The following BAIAP2 variants were observed in gnomAD, a reference collection of about 807,000 sequenced individuals.
BAIAP2 encodes BAR/IMD domain containing adaptor protein 2.
A neutral mutation model predicts 63.0 loss-of-function variants in BAIAP2; 18 were observed. The observed-to-expected ratio is 0.29, with a 90% CI of 0.20 to 0.42. BAIAP2 has a LOEUF of 0.42. Ranked by LOEUF, BAIAP2 falls within the 10% of genes least tolerant of loss-of-function variation. The pLI is 1.00. For synonymous variants in BAIAP2, 386 were observed against 307.6 expected, an observed-to-expected ratio of 1.25 and a Z score of -2.67; for missense variants, 610 against 734.3, an observed-to-expected ratio of 0.83 and a Z score of 1.96.
At chr17:81,106,178 C>T in intron 11 of BAIAP2, 32 bp downstream of exon 11, 3 of 1,555,378 alleles carry the variant, frequency 1.9e-6, no homozygotes, top group Non-Finnish European at 2.6e-6. Context: ...AGTGTAAGAT[C>T]CCCAGCTCGG....
At chr17:81,070,144 A>C (rs972982921) in intron 3 of BAIAP2, among the ~76,000 whole-genome samples, 1 of 152,130 alleles carries the variant, frequency 6.6e-6, no homozygotes, top group Non-Finnish European at 1.5e-5. Flanking sequence ...CTTTTTGTAG[A>C]GACAAGAGCT....
At chr17:81,037,324 C>T (rs896982987) in intron 1 of BAIAP2, among the ~76,000 whole-genome samples, 1 of 152,212 alleles carries the variant, frequency 6.6e-6, no homozygotes, top group Non-Finnish European at 1.5e-5. Context: ...AAGGCTTTGC[C>T]CTGGTGACAG....
At chr17:81,110,004 T>C (rs890562124) in intron 13 of BAIAP2, 11 of 985,354 alleles carry the variant, frequency 1.1e-5, no homozygotes, top group Non-Finnish European at 1.3e-5. Flanking sequence ...CGTCTTTTTG[T>C]GTGTCTTGGT....
At chr17:81,062,391 C>T (rs1425370486) in intron 3 of BAIAP2, among the ~76,000 whole-genome samples, 3 of 151,112 alleles carry the variant, frequency 2.0e-5, no homozygotes, top group Admixed American at 6.6e-5. Flanking sequence ...TTTATTATGA[C>T]GCCTTTGCTT....
chr17:81,074,357 CAT>C (rs1284368932), intron 3 of BAIAP2, among the ~76,000 whole-genome samples: 1 of 150,098 alleles, frequency 6.7e-6, no homozygotes, highest in Non-Finnish European at 1.5e-5. Flanking sequence ...TGCACTGGTA[CAT>C]GTGTCACTGT....
At chr17:81,048,593 G>A (rs989330070) in intron 1 of BAIAP2, among the ~76,000 whole-genome samples, 1 of 151,920 alleles carries the variant, frequency 6.6e-6, no homozygotes, top group African/African-American at 2.4e-5. Context: ...ATGGCCATCA[G>A]TCTCCAGGCT....
At chr17:81,051,520 C>T (rs1442291111) in intron 1 of BAIAP2, among the ~76,000 whole-genome samples, 1 of 152,162 alleles carries the variant, frequency 6.6e-6, no homozygotes, top group East Asian at 1.9e-4. Context: ...CTGCCTCAGG[C>T]TCCCAAGTAG....
At chr17:81,105,777 C>T (rs1438390170) in intron 10 of BAIAP2, 1 of 335,440 alleles carries the variant, frequency 3.0e-6, no homozygotes, top group Non-Finnish European at 5.6e-6. Context: ...CTTAGCGTGA[C>T]ACTGGGGCTG....
intron 3 of BAIAP2, among the ~76,000 whole-genome samples, chr17:81,077,743 C>T (rs929691090): frequency 1.3e-5 from 2 of 151,290 alleles, no homozygotes; most frequent in South Asian, 2.1e-4. Flanking sequence ...AGCCAGACAC[C>T]GTGGGTGCGG....
intron 3 of BAIAP2, among the ~76,000 whole-genome samples, chr17:81,072,217 G>A (rs971934081): frequency 1.3e-5 from 2 of 152,246 alleles, no homozygotes; most frequent in Non-Finnish European, 2.9e-5. Context: ...CCAGATGGCT[G>A]GAGTGCCCCA....
intron 1 of BAIAP2, among the ~76,000 whole-genome samples, chr17:81,045,229 G>A (rs538943203): frequency 1.1e-4 from 16 of 152,310 alleles, no homozygotes; most frequent in South Asian, 8.3e-4. Flanking sequence ...GGGAAAGCTC[G>A]CAGAGGGCGT....
intron 1 of BAIAP2, among the ~76,000 whole-genome samples, chr17:81,044,030 AG>A (rs1424453171): frequency 6.6e-6 from 1 of 152,176 alleles, no homozygotes; most frequent in Admixed American, 6.5e-5. Context: ...AGAGCAGGAA[AG>A]CCCCGCCCCG....
chr17:81,042,932 G>A (rs142256066), intron 1 of BAIAP2, among the ~76,000 whole-genome samples: 1 of 152,196 alleles, frequency 6.6e-6, no homozygotes, highest in African/African-American at 2.4e-5. Flanking sequence ...CACCCAGGCT[G>A]GAGTGCAGTG....
At chr17:81,071,332 C>T (rs1294709286) in intron 3 of BAIAP2, among the ~76,000 whole-genome samples, 1 of 152,116 alleles carries the variant, frequency 6.6e-6, no homozygotes, top group Non-Finnish European at 1.5e-5. Flanking sequence ...TCCTGTCAGC[C>T]CCCTGGCCAT....
In BAIAP2 at chr17:81,116,369, C is replaced by T. The variant is rs2146255925; in HGVS notation, c.*530C>T. 6.3e-7 allele frequency: 1 copy of T among 1,590,566 alleles called. No individual in the cohort carries two copies. Among genetic ancestry groups the T allele is most frequent in the South Asian group, 1.1e-5 (1 of 89,512 alleles). On this transcript the variant is annotated 3_prime_UTR_variant, in exon 14 of 14. Coordinates refer to ENST00000428708, the MANE Select transcript of BAIAP2 (RefSeq NM_001144888.2). ...CTACACCTGGAGTGTGGGGCCTGGT[C>T]CCTCCCCATGCCCCTCGGTGGGGCT...
chr17:81,112,549 C>T (rs1017539651), intron 13 of BAIAP2, among the ~76,000 whole-genome samples: 2 of 152,248 alleles, frequency 1.3e-5, no homozygotes, highest in African/African-American at 2.4e-5. Context: ...TGTCCATACT[C>T]GTCAGCGGAG....
At chr17:81,065,531 G>A (rs1271274577) in intron 3 of BAIAP2, among the ~76,000 whole-genome samples, 1 of 152,206 alleles carries the variant, frequency 6.6e-6, no homozygotes, top group Non-Finnish European at 1.5e-5. Context: ...TTGTGCGGGT[G>A]GAGGACAGCT....
At chr17:81,076,195 A>G (rs543613439) in intron 3 of BAIAP2, 1 of 152,222 alleles carries the variant, frequency 6.6e-6, no homozygotes, top group South Asian at 2.1e-4. Flanking sequence ...TACCATCTGC[A>G]GCTTAACTCA....
At chr17:81,070,948 C>A (rs887274854) in intron 3 of BAIAP2, among the ~76,000 whole-genome samples, 1 of 152,194 alleles carries the variant, frequency 6.6e-6, no homozygotes, top group Non-Finnish European at 1.5e-5. Context: ...AAGGCAGCCT[C>A]GGCCTCTGCT....
Sources: gnomAD v4.1 joint callset for allele counts (sites outside exome capture counted in the v4.1 genomes callset) on GRCh38, gnomAD v4.1.1 for gene constraint, MANE v1.5 for transcripts, NCBI Gene and HGNC (gene_info 2026-07-23, HGNC 2026-07-21) for gene names.